Variants in KLF8 observed in about 807,000 individuals in gnomAD.
The protein encoded by KLF8 is Krueppel-like factor 8.
Under a neutral mutation model 18.2 loss-of-function variants are expected in KLF8, and 10 were observed. The ratio of observed to expected loss-of-function variants is 0.55; its 90% CI spans 0.34 to 0.93. The LOEUF (loss-of-function observed/expected upper bound fraction) is 0.93, where lower values mean the gene tolerates loss of function less well. Ranked by LOEUF, KLF8 falls within the 40% of genes least tolerant of loss-of-function variation. KLF8 has a pLI of 0.02. For missense variants in KLF8, 264 were observed against 277.9 expected (o/e 0.95, Z 0.36); for synonymous variants, 109 against 97.3 (o/e 1.12, Z -0.71).
the KLF8 span, among the ~76,000 whole-genome samples, chrX:56,183,706 A>G: frequency 2.7e-5 from 3 of 112,043 alleles, no homozygotes; most frequent in East Asian, 5.6e-4. Context: ...AACTACCTTC[A>G]CTATAAGGAA....
At chrX:56,127,931 C>T in the KLF8 span, among the ~76,000 whole-genome samples, 5 of 111,474 alleles carry the variant, frequency 4.5e-5, no homozygotes, top group Admixed American at 9.5e-5. Flanking sequence ...TTATGCTCAA[C>T]GCTATACTAA....
At chrX:56,101,590 A>G in the KLF8 span, among the ~76,000 whole-genome samples, 130 of 112,227 alleles carry the variant, frequency 1.2e-3, 1 homozygote, top group Non-Finnish European at 1.7e-3. Context: ...CCAACAGTGT[A>G]TAAGCATTCC....
chrX:56,265,653 G>A lies in KLF8; in HGVS notation c.555G>A (p.Leu185=). 4 of 1,210,796 alleles carry A rather than the reference G, an allele frequency of 3.3e-6. No homozygotes were observed. The highest frequency in any genetic ancestry group is 4.5e-6 in the Non-Finnish European group (4 of 895,166). ...LKTIPVVVQS[L]PMVYTTLPAD... Reference sequence around the variant, plus strand: ...CCATCCCAGTGGTAGTGCAGTCTCTGCCCATGGTGTATACTACTTTGCCTG... The same window carrying A: ...CCATCCCAGTGGTAGTGCAGTCTCTACCCATGGTGTATACTACTTTGCCTG... The change falls in exon 3 of 6, where the codon CTG becomes CTA. Residue 185 remains leucine, a synonymous_variant. Transcript: ENST00000468660.
At chrX:55,981,959 A>AGGCTCT in the KLF8 span, among the ~76,000 whole-genome samples, 1 of 111,218 alleles carries the variant, frequency 9.0e-6, no homozygotes, top group African/African-American at 3.3e-5. Flanking sequence ...TCTGGGCTTT[A>AGGCTCT]GGGCTTTTTT....
At chrX:55,998,809 A>AGTTTT in the KLF8 span, among the ~76,000 whole-genome samples, 3 of 89,773 alleles carry the variant, frequency 3.3e-5, no homozygotes, top group African/African-American at 1.2e-4. Flanking sequence ...TGGTCTTTTA[A>AGTTTT]TTTTTTTTTT....
At chrX:56,150,887 T>C in the KLF8 span, among the ~76,000 whole-genome samples, 3 of 111,591 alleles carry the variant, frequency 2.7e-5, no homozygotes, top group African/African-American at 9.8e-5. Flanking sequence ...AAAACTGTAA[T>C]AAGTTCAACA....
the KLF8 span, among the ~76,000 whole-genome samples, chrX:56,132,686 A>C: frequency 8.9e-6 from 1 of 111,990 alleles, no homozygotes; most frequent in Non-Finnish European, 1.9e-5. Flanking sequence ...AACTAAAAGA[A>C]ATTGAAACAA....
chrX:56,131,232 G>A, the KLF8 span, among the ~76,000 whole-genome samples: 1 of 111,900 alleles, frequency 8.9e-6, no homozygotes, highest in African/African-American at 3.2e-5. Context: ...CTTAAGAGCT[G>A]TAAGGCAAAA....
the KLF8 span, among the ~76,000 whole-genome samples, chrX:56,220,452 T>C: frequency 9.0e-6 from 1 of 110,926 alleles, no homozygotes; most frequent in Admixed American, 9.5e-5. Context: ...TGGTTTGCTT[T>C]TGTTTTTCGT....
chrX:55,961,774 C>A, the KLF8 span: 2 of 311,969 alleles, frequency 6.4e-6, no homozygotes, highest in South Asian at 7.4e-5. Context: ...CTTCACAGGT[C>A]GTATGGAGGA....
chrX:56,181,505 T>G, the KLF8 span, among the ~76,000 whole-genome samples: 1 of 111,814 alleles, frequency 8.9e-6, no homozygotes, highest in Non-Finnish European at 1.9e-5. Flanking sequence ...ATCCTGTCAT[T>G]ATGATGTTAG....
the KLF8 span, among the ~76,000 whole-genome samples, chrX:56,058,287 T>C: frequency 3.1e-3 from 124 of 40,479 alleles, 1 homozygote; most frequent in African/African-American, 6.2e-3. Flanking sequence ...TACATATATA[T>C]ATATATATAT....
At chrX:56,146,815 AT>A in the KLF8 span, among the ~76,000 whole-genome samples, 1 of 112,258 alleles carries the variant, frequency 8.9e-6, no homozygotes, top group African/African-American at 3.2e-5. Context: ...TGTTCAAAAC[AT>A]TATCTAAAAC....
At chrX:55,977,668 G>A in the KLF8 span, among the ~76,000 whole-genome samples, 1 of 111,700 alleles carries the variant, frequency 9.0e-6, no homozygotes, top group African/African-American at 3.3e-5. Flanking sequence ...TTTATTATGT[G>A]TACTGGCTAA....
the KLF8 span, among the ~76,000 whole-genome samples, chrX:56,110,518 AATTT>A: frequency 9.0e-6 from 1 of 111,358 alleles, no homozygotes; most frequent in Non-Finnish European, 1.9e-5. Context: ...TGTAAGTCAT[AATTT>A]ATTTGTTTCT....
chrX:56,174,534 C>G, the KLF8 span, among the ~76,000 whole-genome samples: 1 of 111,911 alleles, frequency 8.9e-6, no homozygotes, highest in African/African-American at 3.2e-5. Flanking sequence ...CGATGTTCAT[C>G]AAGGATATTC....
the KLF8 span, among the ~76,000 whole-genome samples, chrX:56,029,627 C>T: frequency 7.1e-5 from 8 of 112,202 alleles, no homozygotes; most frequent in Admixed American, 3.8e-4. Flanking sequence ...AGAAGCCCTT[C>T]GGCCAGATTA....
the KLF8 span, among the ~76,000 whole-genome samples, chrX:56,208,052 T>A: frequency 9.0e-6 from 1 of 110,857 alleles, no homozygotes; most frequent in Non-Finnish European, 1.9e-5. Context: ...GGCGTATTAT[T>A]CACTATCACA....
chrX:56,099,248 C>G, the KLF8 span, among the ~76,000 whole-genome samples: 1 of 111,272 alleles, frequency 9.0e-6, no homozygotes, highest in Non-Finnish European at 1.9e-5. Context: ...CTGTGGTAAT[C>G]TTTGATATTA....
Sources: gnomAD v4.1 joint callset for allele counts (sites outside exome capture counted in the v4.1 genomes callset) on GRCh38, gnomAD v4.1.1 for gene constraint, MANE v1.5 for transcripts, NCBI Gene and HGNC (gene_info 2026-07-23, HGNC 2026-07-21) for gene names.